Variants in MTMR8 observed in about 807,000 individuals in gnomAD.
MTMR8 encodes the protein myotubularin related protein 8, also known as phosphatidylinositol-3,5-bisphosphate 3-phosphatase MTMR8.
Under a neutral mutation model 39.3 loss-of-function variants are expected in MTMR8, and 65 were observed. The observed-to-expected ratio is 1.65, with a 90% confidence interval of 1.35 to 2.03. MTMR8 has a LOEUF of 2.03. Ranked by LOEUF, MTMR8 falls within the 30% of genes most tolerant of loss-of-function variation. The pLI is 0.00. For synonymous variants in MTMR8, 245 were observed against 185.2 expected (o/e 1.32, Z -2.62); for missense variants, 777 against 538.9 (o/e 1.44, Z -4.37).
chrX:64,345,258 G>C, intron 6 of MTMR8, 81 bp from the exon 7 acceptor site: 1 of 1,008,058 alleles, frequency 9.9e-7, no homozygotes, highest in South Asian at 2.3e-5. Flanking sequence ...GCCTCATTCT[G>C]AACCGTTTAA....
intron 8 of MTMR8, among the ~76,000 whole-genome samples, chrX:64,338,161 G>T (rs918029328): frequency 3.6e-5 from 4 of 112,073 alleles, no homozygotes. Flanking sequence ...CTTGAAGAAA[G>T]AGCTGGGTTT....
chrX:64,300,911 C>G (rs1037559254), intron 12 of MTMR8, among the ~76,000 whole-genome samples: 1 of 111,079 alleles, frequency 9.0e-6, no homozygotes, highest in African/African-American at 3.3e-5. Flanking sequence ...GGCCTCCACT[C>G]TCTTGTGGCT....
chrX:64,384,477 C>A (rs1361743752), intron 1 of MTMR8, among the ~76,000 whole-genome samples: 3 of 112,115 alleles, frequency 2.7e-5, no homozygotes, highest in Admixed American at 1.9e-4. Context: ...TCTGTGAGGG[C>A]TCTGCCCCTG....
At chrX:64,294,290 A>G (rs1197420431) in intron 12 of MTMR8, among the ~76,000 whole-genome samples, 4 of 111,651 alleles carry the variant, frequency 3.6e-5, no homozygotes, top group African/African-American at 1.3e-4. Flanking sequence ...TCCAATTGGG[A>G]AATATTTTGT....
intron 10 of MTMR8, among the ~76,000 whole-genome samples, chrX:64,333,381 T>G (rs1922992351): frequency 9.0e-6 from 1 of 111,697 alleles, no homozygotes; most frequent in African/African-American, 3.3e-5. Context: ...AATTTCTAAC[T>G]TCTGCCTCTA....
chrX:64,292,090 T>C (rs1324621266), intron 12 of MTMR8, among the ~76,000 whole-genome samples: 1 of 111,902 alleles, frequency 8.9e-6, no homozygotes, highest in African/African-American at 3.2e-5. Flanking sequence ...ATGAGAATAC[T>C]CTGAGATGAG....
At chrX:64,324,226 G>A (rs771233563) in intron 12 of MTMR8, among the ~76,000 whole-genome samples, 1 of 110,383 alleles carries the variant, frequency 9.1e-6, no homozygotes, top group South Asian at 3.9e-4. Flanking sequence ...GCCAGGTGTG[G>A]TTGCATGTAC....
At chrX:64,301,524 G>T (rs1231668184) in intron 12 of MTMR8, among the ~76,000 whole-genome samples, 1 of 110,276 alleles carries the variant, frequency 9.1e-6, no homozygotes, top group Non-Finnish European at 1.9e-5. Context: ...TGGTTTGAAT[G>T]TCCTCCCGTA....
chrX:64,334,151 A>T (rs921038938), intron 10 of MTMR8, among the ~76,000 whole-genome samples: 2 of 110,851 alleles, frequency 1.8e-5, no homozygotes, highest in Non-Finnish European at 3.8e-5. Context: ...TGAGCTCCAG[A>T]TTACTACTGA....
At chrX:64,389,648 C>T (rs1164015461) in intron 1 of MTMR8, among the ~76,000 whole-genome samples, 1 of 111,789 alleles carries the variant, frequency 8.9e-6, no homozygotes, top group African/African-American at 3.3e-5. Flanking sequence ...TCAGGCAAAT[C>T]TCCCTGAGAC....
chrX:64,285,289 T>C (rs1921119293), intron 12 of MTMR8, among the ~76,000 whole-genome samples: 1 of 111,688 alleles, frequency 9.0e-6, no homozygotes. Flanking sequence ...TAAATATATA[T>C]GCACCCAATA....
intron 12 of MTMR8, among the ~76,000 whole-genome samples, chrX:64,293,337 C>T (rs775199066): frequency 4.5e-5 from 5 of 111,034 alleles, no homozygotes; most frequent in Non-Finnish European, 9.4e-5. Context: ...AAATTACTAT[C>T]AACAGTTATG....
At chrX:64,351,606 G>A (rs1018299093) in intron 4 of MTMR8, among the ~76,000 whole-genome samples, 19 of 111,320 alleles carry the variant, frequency 1.7e-4, no homozygotes, top group African/African-American at 5.9e-4. Context: ...GAGCAAGAAA[G>A]CCAGTAGTGG....
intron 12 of MTMR8, among the ~76,000 whole-genome samples, chrX:64,297,417 T>C (rs1360503631): frequency 2.2e-4 from 22 of 99,743 alleles, no homozygotes; most frequent in Non-Finnish European, 4.2e-4. Context: ...CACCCACTTT[T>C]TGATGGGGTT....
chrX:64,307,466 T>C (rs1216853804), intron 12 of MTMR8, among the ~76,000 whole-genome samples: 3 of 111,886 alleles, frequency 2.7e-5, no homozygotes, highest in Non-Finnish European at 5.6e-5. Flanking sequence ...GAAAAGACTA[T>C]CCTTCCCCCA....
At chrX:64,312,230 G>A (rs929679419) in intron 12 of MTMR8, among the ~76,000 whole-genome samples, 1 of 111,622 alleles carries the variant, frequency 9.0e-6, no homozygotes, top group South Asian at 3.8e-4. Context: ...TCCCTTGTAA[G>A]CTGGATTCCT....
At chrX:64,347,501 G>C (rs1409508520) in intron 6 of MTMR8, among the ~76,000 whole-genome samples, 1 of 111,671 alleles carries the variant, frequency 9.0e-6, no homozygotes, top group African/African-American at 3.3e-5. Flanking sequence ...GTCAGTCCTA[G>C]GTAGCTCTGG....
chrX:64,348,665 G>T lies in MTMR8; in HGVS notation c.727C>A (p.Pro243Thr). ...SQFMYVVDTR[P>T]KLNAMANRAA... ...AATCACTGAGAAATAGATACCTTTGGTCTTGTGTCTACAACATACATAAAC... is the reference window on the plus strand; with the variant it reads ...AATCACTGAGAAATAGATACCTTTGTTCTTGTGTCTACAACATACATAAAC... The change falls in exon 6 of 14, where the codon CCA (proline) becomes ACA (threonine). Residue 243 changes from proline to threonine, a missense_variant. Transcript: ENST00000374852. 8.3e-7 allele frequency: 1 copy of T among 1,210,253 alleles called. No homozygotes were observed. Among genetic ancestry groups the T allele is most frequent in the Non-Finnish European group, 1.1e-6 (1 of 894,613 alleles).
At chrX:64,275,898 C>A (rs1454063864) in intron 12 of MTMR8, among the ~76,000 whole-genome samples, 1 of 110,965 alleles carries the variant, frequency 9.0e-6, no homozygotes, top group Non-Finnish European at 1.9e-5. Flanking sequence ...ACACAACCTA[C>A]CAAGACTAAA....
Sources: gnomAD v4.1 joint callset for allele counts (sites outside exome capture counted in the v4.1 genomes callset) on GRCh38, gnomAD v4.1.1 for gene constraint, MANE v1.5 for transcripts, NCBI Gene and HGNC (gene_info 2026-07-23, HGNC 2026-07-21) for gene names.